LYPD6: variants seen among roughly 807,000 people sequenced by gnomAD.
LYPD6 encodes the protein LY6/PLAUR domain containing 6, also known as ly6/PLAUR domain-containing protein 6.
A neutral mutation model predicts 22.7 loss-of-function variants in LYPD6; 15 were observed. The ratio of observed to expected loss-of-function variants is 0.66; its 90% CI spans 0.44 to 1.02. LYPD6 has a LOEUF of 1.02. Among genes scored for constraint, LYPD6 ranks in the 50% least tolerant of loss-of-function variants. LYPD6 has a pLI of 0.00. For synonymous variants in LYPD6, 72 were observed against 77.5 expected, an observed-to-expected ratio of 0.93 and a Z score of 0.37; for missense variants, 189 against 208.4, an observed-to-expected ratio of 0.91 and a Z score of 0.57.
At chr2:149,402,281 T>C (rs1682576579) in intron 1 of LYPD6, among the ~76,000 whole-genome samples, 1 of 151,962 alleles carries the variant, frequency 6.6e-6, no homozygotes, top group Admixed American at 6.6e-5. Flanking sequence ...TTTATCCACA[T>C]GTTAACTGAT....
chr2:149,469,682 C>G lies in LYPD6; in HGVS notation c.348+907C>G, dbSNP rs145087602. On this transcript the variant is annotated intron_variant, in intron 4 of 4. Transcript: ENST00000334166. ...CAAAATGAGTAAAACCAAAGGCTTT[C>G]CCTGACCTCTCCAGCAAATTGGACT... 2.0e-4 allele frequency among the ~76,000 whole-genome samples: 30 copies of G among 152,286 alleles called. No homozygotes were observed. In the East Asian group the frequency reaches 5.4e-3, roughly 27 times the overall value.
chr2:149,480,406 A>G, the LYPD6 span, among the ~76,000 whole-genome samples: 1 of 151,992 alleles, frequency 6.6e-6, no homozygotes, highest in African/African-American at 2.4e-5. Context: ...CCCTCTCTCC[A>G]TTGACCTGGT....
chr2:149,471,128 G>A lies in LYPD6; in HGVS notation c.*278G>A, dbSNP rs901579296. On this transcript the variant is annotated 3_prime_UTR_variant, in exon 5 of 5. Coordinates refer to ENST00000334166, the MANE Select transcript of LYPD6 (RefSeq NM_194317.5). Reference sequence around the variant, plus strand: ...TCCAAGAAGTAGTTCTGCATTTATCGAGATCTGGGGTTCTTAATTTGGAAG... The same window carrying A: ...TCCAAGAAGTAGTTCTGCATTTATCAAGATCTGGGGTTCTTAATTTGGAAG... The A allele has an allele frequency of 2.1e-5, 6 of 286,878 alleles. No homozygotes were observed. The highest frequency in any genetic ancestry group is 1.2e-4 in the East Asian group (2 of 17,146). The allele number at this position is 286,878 out of a possible 1,614,324, so 17.8% of individuals were successfully genotyped here.
the LYPD6 span, among the ~76,000 whole-genome samples, chr2:149,481,406 G>C: frequency 6.6e-6 from 1 of 152,216 alleles, no homozygotes; most frequent in African/African-American, 2.4e-5. Context: ...AAAGCAATTT[G>C]GCAGTATGTG....
At chr2:149,420,064 A>G (rs1683046622) in intron 1 of LYPD6, among the ~76,000 whole-genome samples, 1 of 152,216 alleles carries the variant, frequency 6.6e-6, no homozygotes, top group South Asian at 2.1e-4. Context: ...TTCCGCTATG[A>G]ATAACATCAG....
the LYPD6 span, among the ~76,000 whole-genome samples, chr2:149,480,313 GCTTTT>G: frequency 6.6e-5 from 10 of 152,032 alleles, no homozygotes; most frequent in African/African-American, 2.4e-4. Flanking sequence ...CCTGGCCTCT[GCTTTT>G]CTTTTCTTTG....
At chr2:149,409,626 C>G (rs2105120518) in intron 1 of LYPD6, among the ~76,000 whole-genome samples, 1 of 152,182 alleles carries the variant, frequency 6.6e-6, no homozygotes, top group South Asian at 2.1e-4. Flanking sequence ...CTTGTTGCAG[C>G]TGTTGTGGGG....
At chr2:149,388,946 A>C (rs963259724) in intron 1 of LYPD6, among the ~76,000 whole-genome samples, 4 of 152,168 alleles carry the variant, frequency 2.6e-5, no homozygotes, top group Non-Finnish European at 4.4e-5. Flanking sequence ...ATGGACTGAG[A>C]AAATTCTGGA....
chr2:149,352,708 T>G (rs1270791441), intron 1 of LYPD6, among the ~76,000 whole-genome samples: 1 of 152,244 alleles, frequency 6.6e-6, no homozygotes, highest in African/African-American at 2.4e-5. Flanking sequence ...AAGTGTGTAA[T>G]TGGGACAGAG....
intron 1 of LYPD6, among the ~76,000 whole-genome samples, chr2:149,395,524 A>G (rs968885991): frequency 6.6e-6 from 1 of 152,166 alleles, no homozygotes; most frequent in African/African-American, 2.4e-5. Context: ...AAAAAGCCCT[A>G]AACTTTTCCA....
intron 1 of LYPD6, among the ~76,000 whole-genome samples, chr2:149,380,266 G>C (rs902890771): frequency 6.6e-6 from 1 of 152,208 alleles, no homozygotes; most frequent in Non-Finnish European, 1.5e-5. Flanking sequence ...ATTTTACTGA[G>C]TGAGGAAGAA....
chr2:149,440,693 C>CTTTTTTTTTTT (rs764789006), intron 2 of LYPD6, among the ~76,000 whole-genome samples: 1 of 91,068 alleles, frequency 1.1e-5, no homozygotes, highest in Non-Finnish European at 1.9e-5. Context: ...TTCTGTCCAC[C>CTTTTTTTTTTT]TTTTTTTTTT....
intron 1 of LYPD6, among the ~76,000 whole-genome samples, chr2:149,402,920 C>G (rs775267411): frequency 9.4e-5 from 14 of 148,964 alleles, no homozygotes; most frequent in Non-Finnish European, 2.1e-4. Context: ...GTGATGTTCC[C>G]CTTCCTGTGT....
chr2:149,380,381 G>T (rs1682032849), intron 1 of LYPD6, among the ~76,000 whole-genome samples: 2 of 152,226 alleles, frequency 1.3e-5, no homozygotes, highest in African/African-American at 4.8e-5. Context: ...GCAAAGCAGG[G>T]AGCCCAGGTG....
intron 2 of LYPD6, among the ~76,000 whole-genome samples, chr2:149,441,941 T>A (rs1683577355): frequency 6.6e-6 from 1 of 152,130 alleles, no homozygotes; most frequent in African/African-American, 2.4e-5. Context: ...TGTATTCCTG[T>A]GGGGGCTTGT....
Position 149,471,038 on chromosome 2 carries a change from C to T in LYPD6, c.*188C>T. 2.0e-6 allele frequency: 1 copy of T among 506,558 alleles called. No homozygotes were observed. The highest frequency in any genetic ancestry group is 4.3e-5 in the South Asian group (1 of 23,478). 31.4% of individuals were successfully genotyped at this position (506,558 alleles called of 1,614,324 possible). ...TTCATTGTAGCCATTTTGAGTCTAA[C>T]CGAGACTCATCAAAGCCTTCTGTCA... On this transcript the variant is annotated 3_prime_UTR_variant, in exon 5 of 5. Transcript: ENST00000334166.
intron 3 of LYPD6, among the ~76,000 whole-genome samples, chr2:149,456,070 T>G (rs1314758449): frequency 6.6e-6 from 1 of 152,190 alleles, no homozygotes; most frequent in Non-Finnish European, 1.5e-5. Context: ...AAAACACATC[T>G]TTTTAAAAGA....
intron 1 of LYPD6, among the ~76,000 whole-genome samples, chr2:149,332,099 T>C (rs1222406236): frequency 6.6e-6 from 1 of 152,258 alleles, no homozygotes; most frequent in Non-Finnish European, 1.5e-5. Context: ...TGCACATTTA[T>C]GTTAAACCCA....
At chr2:149,441,876 A>G (rs908501931) in intron 2 of LYPD6, among the ~76,000 whole-genome samples, 9 of 152,152 alleles carry the variant, frequency 5.9e-5, no homozygotes, top group Non-Finnish European at 4.4e-5. Context: ...AGAATATCCA[A>G]TTTTCCTCTG....
Sources: allele counts gnomAD v4.1 joint callset (sites outside exome capture counted in the v4.1 genomes callset), GRCh38; gene constraint gnomAD v4.1.1; transcripts MANE v1.5; gene names NCBI Gene and HGNC (gene_info 2026-07-23, HGNC 2026-07-21).